Variants in GRM8 observed in about 807,000 individuals in gnomAD.
GRM8 encodes the protein metabotropic glutamate receptor 8.
Under a neutral mutation model 87.2 loss-of-function variants are expected in GRM8, and 47 were observed. That is an observed-to-expected ratio of 0.54 (90% CI 0.43 to 0.69). The LOEUF (loss-of-function observed/expected upper bound fraction) is 0.69, where lower values mean the gene tolerates loss of function less well. Ranked by LOEUF, GRM8 falls within the 30% of genes least tolerant of loss-of-function variation. The pLI is 0.00. For missense variants in GRM8, 1,019 were observed against 1,139.2 expected (o/e 0.89, Z 1.52); for synonymous variants, 396 against 404.5 (o/e 0.98, Z 0.25).
chr7:126,920,631 C>A (rs1167780614), intron 3 of GRM8, among the ~76,000 whole-genome samples: 1 of 152,048 alleles, frequency 6.6e-6, no homozygotes, highest in Non-Finnish European at 1.5e-5. Flanking sequence ...TCTCTAAAGT[C>A]CCTTCCCTCA....
intron 6 of GRM8, among the ~76,000 whole-genome samples, chr7:126,860,652 T>A (rs1798064954): frequency 6.6e-6 from 1 of 152,154 alleles, no homozygotes; most frequent in African/African-American, 2.4e-5. Context: ...AGTTTGTAGA[T>A]ATTAACTCCA....
intron 2 of GRM8, among the ~76,000 whole-genome samples, chr7:127,136,427 G>T (rs1488817731): frequency 6.6e-6 from 1 of 152,214 alleles, no homozygotes; most frequent in African/African-American, 2.4e-5. Flanking sequence ...AAGGAAGCTA[G>T]TATCCATAAT....
At chr7:126,707,416 G>A (rs1810639179) in intron 7 of GRM8, among the ~76,000 whole-genome samples, 1 of 152,136 alleles carries the variant, frequency 6.6e-6, no homozygotes, top group South Asian at 2.1e-4. Flanking sequence ...TGTTCATTAA[G>A]CAAATTGTAT....
chr7:126,565,480 T>G (rs1794137789), intron 8 of GRM8, among the ~76,000 whole-genome samples: 1 of 151,874 alleles, frequency 6.6e-6, no homozygotes, highest in African/African-American at 2.4e-5. Context: ...TACCTAGAAA[T>G]AAGCCTAAGG....
intron 6 of GRM8, among the ~76,000 whole-genome samples, chr7:126,784,784 T>A (rs1820459944): frequency 6.6e-6 from 1 of 152,164 alleles, no homozygotes; most frequent in Non-Finnish European, 1.5e-5. Context: ...ACCTGCCCAT[T>A]ATTATAGATT....
chr7:126,485,034 T>A (rs1278195247), intron 9 of GRM8, among the ~76,000 whole-genome samples: 1 of 152,030 alleles, frequency 6.6e-6, no homozygotes, highest in Non-Finnish European at 1.5e-5. Context: ...TTCGAGTTGG[T>A]TATCAGACTA....
At chr7:126,598,774 G>C (rs1159976179) in intron 8 of GRM8, among the ~76,000 whole-genome samples, 1 of 152,070 alleles carries the variant, frequency 6.6e-6, no homozygotes, top group African/African-American at 2.4e-5. Context: ...GCTTAAATGT[G>C]AGCATCTCTC....
intron 3 of GRM8, chr7:127,084,817 T>A (rs1823293844): frequency 6.6e-6 from 1 of 152,134 alleles, no homozygotes; most frequent in Non-Finnish European, 1.5e-5. Flanking sequence ...CACAGGTTGT[T>A]TTTTGTTTTT....
At chr7:126,623,973 T>C (rs1800429344) in intron 7 of GRM8, among the ~76,000 whole-genome samples, 1 of 152,154 alleles carries the variant, frequency 6.6e-6, no homozygotes, top group East Asian at 1.9e-4. Flanking sequence ...TTACATCTAA[T>C]GCATGGACAG....
intron 9 of GRM8, among the ~76,000 whole-genome samples, chr7:126,465,837 T>C (rs1379121993): frequency 6.6e-6 from 1 of 151,896 alleles, no homozygotes; most frequent in Non-Finnish European, 1.5e-5. Flanking sequence ...AGTACAATAT[T>C]GAATAACAGA....
At chr7:126,813,421 G>A (rs973757814) in intron 6 of GRM8, among the ~76,000 whole-genome samples, 2 of 152,124 alleles carry the variant, frequency 1.3e-5, no homozygotes, top group Admixed American at 6.6e-5. Context: ...AACTCTGGTT[G>A]CACATTTCAC....
chr7:126,577,818 T>C (rs1554405394), intron 8 of GRM8, among the ~76,000 whole-genome samples: 4 of 152,002 alleles, frequency 2.6e-5, no homozygotes, highest in Non-Finnish European at 5.9e-5. Flanking sequence ...AGCATTTTTT[T>C]TCTCTCTCTC....
At chr7:126,639,051 C>T (rs1802123496) in intron 7 of GRM8, among the ~76,000 whole-genome samples, 1 of 152,202 alleles carries the variant, frequency 6.6e-6, no homozygotes, top group Non-Finnish European at 1.5e-5. Context: ...CATCCACTCT[C>T]CCAAAATTGC....
At chr7:126,991,358 A>G (rs1013742213) in intron 3 of GRM8, among the ~76,000 whole-genome samples, 3 of 152,284 alleles carry the variant, frequency 2.0e-5, no homozygotes, top group East Asian at 3.9e-4. Context: ...CATCACTCCA[A>G]TTGTTTCTCT....
At chr7:126,774,078 T>C (rs2151619640) in intron 6 of GRM8, among the ~76,000 whole-genome samples, 1 of 152,300 alleles carries the variant, frequency 6.6e-6, no homozygotes, top group Non-Finnish European at 1.5e-5. Flanking sequence ...CAATGAACAC[T>C]GTAAGAATCT....
intron 2 of GRM8, chr7:127,229,578 A>C (rs1797555033): frequency 6.6e-6 from 1 of 152,234 alleles, no homozygotes; most frequent in Non-Finnish European, 1.5e-5. Context: ...TTTCAAAGGC[A>C]ACAAAAGATC....
intron 7 of GRM8, among the ~76,000 whole-genome samples, chr7:126,713,126 G>C (rs1312992601): frequency 2.6e-5 from 4 of 152,030 alleles, no homozygotes; most frequent in African/African-American, 9.7e-5. Context: ...AAATCATTCT[G>C]CTATAAAGAC....
intron 8 of GRM8, among the ~76,000 whole-genome samples, chr7:126,535,568 A>G (rs978722804): frequency 1.3e-5 from 2 of 152,210 alleles, no homozygotes; most frequent in Non-Finnish European, 2.9e-5. Context: ...CCTACTTTCA[A>G]TTGCATGCAG....
At chr7:126,990,820 C>T (rs578089075) in intron 3 of GRM8, among the ~76,000 whole-genome samples, 8 of 152,274 alleles carry the variant, frequency 5.3e-5, no homozygotes, top group African/African-American at 1.7e-4. Flanking sequence ...TTCTCTCAAA[C>T]ATTAAAAGCA....
Sources: gnomAD v4.1 joint callset for allele counts (sites outside exome capture counted in the v4.1 genomes callset) on GRCh38, gnomAD v4.1.1 for gene constraint, MANE v1.5 for transcripts, NCBI Gene and HGNC (gene_info 2026-07-23, HGNC 2026-07-21) for gene names.